PDE10A: variants seen among roughly 807,000 people sequenced by gnomAD.
The protein encoded by PDE10A is phosphodiesterase 10A.
In PDE10A, 39 loss-of-function variants were observed where a neutral mutation model predicts 97.7. That is an observed-to-expected ratio of 0.40 (90% confidence interval 0.31 to 0.52). The LOEUF (loss-of-function observed/expected upper bound fraction) is 0.52. Among genes scored for constraint, PDE10A ranks in the 20% least tolerant of loss-of-function variants. The pLI is 0.56. For missense variants in PDE10A, 731 were observed against 1,047.8 expected (o/e 0.70, Z 4.17); for synonymous variants, 371 against 376.8 (o/e 0.98, Z 0.18).
intron 1 of PDE10A, among the ~76,000 whole-genome samples, chr6:165,633,713 T>TA (rs573939805): frequency 7.2e-5 from 11 of 151,862 alleles, no homozygotes; most frequent in Admixed American, 5.9e-4. Context: ...CTGCAACCTC[T>TA]ACCTCCCAGG....
intron 1 of PDE10A, among the ~76,000 whole-genome samples, chr6:165,930,145 T>C (rs1783087911): frequency 6.7e-6 from 1 of 150,354 alleles, no homozygotes; most frequent in African/African-American, 2.5e-5. Flanking sequence ...ACCAGGCACA[T>C]ATCACTCCAG....
chr6:165,362,023 C>G (rs1458541490), intron 18 of PDE10A, among the ~76,000 whole-genome samples: 2 of 152,022 alleles, frequency 1.3e-5, no homozygotes, highest in Non-Finnish European at 2.9e-5. Flanking sequence ...TATATCAAAG[C>G]TCATGGGATG....
chr6:165,854,200 G>C (rs937204914), intron 1 of PDE10A, among the ~76,000 whole-genome samples: 10 of 152,230 alleles, frequency 6.6e-5, no homozygotes, highest in African/African-American at 2.4e-4. Flanking sequence ...TGAACCCGGA[G>C]ACCCGGCAGC....
chr6:165,619,552 G>A (rs1169794810), intron 1 of PDE10A, among the ~76,000 whole-genome samples: 2 of 107,170 alleles, frequency 1.9e-5, no homozygotes, highest in African/African-American at 8.9e-5. Flanking sequence ...GTGTAGTGTA[G>A]TCTAGTGTAG....
In PDE10A at chr6:165,806,920, C is replaced by G. The variant is rs79778904; in HGVS notation, c.-615+180609G>C. ...TGAAGTGCTTAACTTATACCCTTAC[C>G]ATGTTATGTTTTTTCACTCAGTGAG... is the stretch of plus-strand genomic sequence containing the variant. On this transcript the variant is annotated intron_variant, in intron 1 of 19. Coordinates refer to the PDE10A transcript ENST00000366882. Among the ~76,000 whole-genome samples the G allele has an allele frequency of 9.6e-3, 1,460 of 152,280 alleles. 12 individuals carry two copies. The highest frequency in any genetic ancestry group is 0.034 in the Middle Eastern group (10 of 294).
chr6:165,730,304 C>G (rs1792398216), intron 1 of PDE10A, among the ~76,000 whole-genome samples: 1 of 152,162 alleles, frequency 6.6e-6, no homozygotes. Flanking sequence ...TCAACTTATT[C>G]TACCAGGCTG....
intron 1 of PDE10A, among the ~76,000 whole-genome samples, chr6:165,798,435 A>C (rs13203593): frequency 2.8e-4 from 43 of 152,324 alleles, no homozygotes; most frequent in Non-Finnish European, 4.9e-4. Flanking sequence ...TCCTTCTGTC[A>C]GTATGTGGCC....
intron 1 of PDE10A, among the ~76,000 whole-genome samples, chr6:165,648,202 C>T (rs1285149995): frequency 2.0e-5 from 3 of 151,908 alleles, no homozygotes; most frequent in South Asian, 2.1e-4. Context: ...TTAGTAGAGA[C>T]GGGGTTTCAC....
intron 1 of PDE10A, chr6:165,908,890 C>T (rs1238436044): frequency 6.6e-6 from 1 of 152,206 alleles, no homozygotes; most frequent in Non-Finnish European, 1.5e-5. Context: ...ACCCACCACA[C>T]GCTGTCCACT....
At chr6:165,689,901 C>T (rs1448888285) in intron 1 of PDE10A, among the ~76,000 whole-genome samples, 3 of 152,132 alleles carry the variant, frequency 2.0e-5, no homozygotes, top group African/African-American at 7.2e-5. Flanking sequence ...GTTCTGCCAC[C>T]GGGTGAGTAC....
At chr6:165,581,852 T>C (rs1156471724) in intron 1 of PDE10A, among the ~76,000 whole-genome samples, 1 of 152,236 alleles carries the variant, frequency 6.6e-6, no homozygotes, top group East Asian at 1.9e-4. Flanking sequence ...AATCAGTCAG[T>C]TGTTCTGAGA....
At chr6:165,647,941 G>A (rs1215967585) in intron 1 of PDE10A, among the ~76,000 whole-genome samples, 6 of 152,226 alleles carry the variant, frequency 3.9e-5, no homozygotes, top group South Asian at 2.1e-4. Context: ...GCAGGGGCTC[G>A]TAATTAAGCA....
At chr6:165,386,214 T>A (rs59400673) in intron 17 of PDE10A, among the ~76,000 whole-genome samples, 62 of 152,128 alleles carry the variant, frequency 4.1e-4, no homozygotes, top group African/African-American at 1.5e-3. Context: ...TGGCAGCAAC[T>A]GGGCCAAGTC....
At chr6:165,976,517 C>T (rs1171352574) in intron 1 of PDE10A, among the ~76,000 whole-genome samples, 1 of 152,144 alleles carries the variant, frequency 6.6e-6, no homozygotes, top group African/African-American at 2.4e-5. Context: ...CAACATATTC[C>T]TACCTGGAGA....
intron 1 of PDE10A, among the ~76,000 whole-genome samples, chr6:165,750,055 A>G (rs9348040): frequency 0.17 from 26,404 of 152,060 alleles, 2,644 homozygotes; most frequent in East Asian, 0.36. Context: ...AACAGGGGGT[A>G]TGTGAGGCCT....
chr6:165,856,108 C>G (rs1346170113), intron 1 of PDE10A, among the ~76,000 whole-genome samples: 1 of 152,172 alleles, frequency 6.6e-6, no homozygotes, highest in South Asian at 2.1e-4. Flanking sequence ...GCCTCAAGGC[C>G]TCTGATGCAG....
chr6:165,556,670 T>A (rs1784270553), intron 1 of PDE10A, among the ~76,000 whole-genome samples: 1 of 152,176 alleles, frequency 6.6e-6, no homozygotes. Context: ...AAATACATTC[T>A]GTACCTCAGC....
chr6:165,339,185 T>C (rs770547995), intron 20 of PDE10A, 93 bp downstream of exon 20: 30 of 798,160 alleles, frequency 3.8e-5, no homozygotes, highest in Non-Finnish European at 6.7e-5. Context: ...CTTAACATAA[T>C]ATATGATGAC....
At chr6:165,593,391 C>T (rs1211015547) in intron 1 of PDE10A, among the ~76,000 whole-genome samples, 2 of 151,940 alleles carry the variant, frequency 1.3e-5, no homozygotes, top group Non-Finnish European at 2.9e-5. Flanking sequence ...TACATGTATA[C>T]CTATATAACA....
Sources: allele counts gnomAD v4.1 joint callset (sites outside exome capture counted in the v4.1 genomes callset), GRCh38; gene constraint gnomAD v4.1.1; transcripts MANE v1.5; gene names NCBI Gene and HGNC (gene_info 2026-07-23, HGNC 2026-07-21).